The following FHIT variants were observed in gnomAD, a reference collection of about 807,000 sequenced individuals.
FHIT encodes the protein fragile histidine triad diadenosine triphosphatase.
In FHIT, 19 loss-of-function variants were observed where a neutral mutation model predicts 17.9. The ratio of observed to expected loss-of-function variants is 1.06; its 90% confidence interval spans 0.74 to 1.56. The LOEUF is 1.56. Among genes scored for constraint, FHIT ranks in the 40% most tolerant of loss-of-function variants. The pLI is 0.00. For missense variants in FHIT, 248 were observed against 189.2 expected, an observed-to-expected ratio of 1.31 and a Z score of -1.82; for synonymous variants, 81 against 69.7, an observed-to-expected ratio of 1.16 and a Z score of -0.81.
intron 5 of FHIT, among the ~76,000 whole-genome samples, chr3:60,284,059 G>A (rs551251625): frequency 3.9e-5 from 6 of 151,962 alleles, no homozygotes; most frequent in Non-Finnish European, 7.4e-5. Context: ...ACTGAAGCTG[G>A]CATTTCAGAA....
chr3:60,074,025 T>C (rs1051053509), intron 5 of FHIT, among the ~76,000 whole-genome samples: 1 of 152,140 alleles, frequency 6.6e-6, no homozygotes, highest in Non-Finnish European at 1.5e-5. Context: ...GACATGTGAA[T>C]GGAGCAGGGG....
chr3:60,597,352 G>A lies in FHIT; in HGVS notation c.-17-60373C>T, dbSNP rs150019384. On this transcript the variant is annotated intron_variant, in intron 4 of 9. Coordinates refer to ENST00000492590, the MANE Select transcript of FHIT (RefSeq NM_002012.4). ...AATGTTTAATCATTATACATACTTA[G>A]GAGAGCAGCATTGTTATTTTATAGA... is the stretch of plus-strand genomic sequence containing the variant. Among the ~76,000 whole-genome samples, 1,043 of 152,142 alleles carry A rather than the reference G, an allele frequency of 6.9e-3. 13 individuals carry two copies. Among genetic ancestry groups the A allele is most frequent in the African/African-American group, 0.024 (976 of 41,512 alleles).
intron 5 of FHIT, among the ~76,000 whole-genome samples, chr3:60,382,705 T>C (rs1337783293): frequency 6.6e-6 from 1 of 152,128 alleles, no homozygotes; most frequent in Non-Finnish European, 1.5e-5. Context: ...TTACCCCCAC[T>C]TAGGAATTGT....
At chr3:60,869,821 C>T (rs1704327347) in intron 3 of FHIT, among the ~76,000 whole-genome samples, 1 of 151,998 alleles carries the variant, frequency 6.6e-6, no homozygotes. Context: ...CCAACTTCTC[C>T]CTTTATAGGA....
chr3:60,261,052 C>T (rs1472878672), intron 5 of FHIT, among the ~76,000 whole-genome samples: 1 of 152,054 alleles, frequency 6.6e-6, no homozygotes, highest in South Asian at 2.1e-4. Context: ...TGTTCAGCAT[C>T]TAATCAAGAA....
intron 7 of FHIT, among the ~76,000 whole-genome samples, chr3:60,002,153 T>C (rs1031716316): frequency 2.0e-5 from 3 of 152,162 alleles, no homozygotes; most frequent in Non-Finnish European, 4.4e-5. Flanking sequence ...ATTTTTCATG[T>C]AACGTCAGGA....
chr3:60,282,970 G>C (rs1440215733), intron 5 of FHIT, among the ~76,000 whole-genome samples: 1 of 152,022 alleles, frequency 6.6e-6, no homozygotes, highest in Non-Finnish European at 1.5e-5. Flanking sequence ...GCAGTTCCAA[G>C]AATGGAGCTT....
intron 5 of FHIT, among the ~76,000 whole-genome samples, chr3:60,470,062 C>T (rs564423195): frequency 0.12 from 16,336 of 140,778 alleles, 1,878 homozygotes; most frequent in African/African-American, 0.35. Context: ...CTTTCTTTCT[C>T]TCTCTCTCTC....
chr3:59,990,809 A>T (rs1383709054), intron 7 of FHIT, among the ~76,000 whole-genome samples: 1 of 152,118 alleles, frequency 6.6e-6, no homozygotes, highest in African/African-American at 2.4e-5. Context: ...ATTTTAGAAC[A>T]GAGGCAAGAC....
chr3:60,899,426 C>T (rs141088265), intron 3 of FHIT, among the ~76,000 whole-genome samples: 48 of 152,296 alleles, frequency 3.2e-4, no homozygotes, highest in African/African-American at 1.0e-3. Context: ...ACCCCTGCAA[C>T]GCCTACATAA....
intron 2 of FHIT, among the ~76,000 whole-genome samples, chr3:61,043,968 C>T (rs1167920767): frequency 1.3e-5 from 2 of 152,082 alleles, no homozygotes; most frequent in African/African-American, 4.8e-5. Context: ...ACACCAAAAC[C>T]CCATCTGGAC....
At chr3:60,746,445 C>T (rs1033384043) in intron 4 of FHIT, among the ~76,000 whole-genome samples, 1 of 152,188 alleles carries the variant, frequency 6.6e-6, no homozygotes, top group Non-Finnish European at 1.5e-5. Flanking sequence ...TCAGGAGCGA[C>T]AGCAGCGGCC....
At chr3:60,464,285 A>G (rs1203003274) in intron 5 of FHIT, among the ~76,000 whole-genome samples, 1 of 152,174 alleles carries the variant, frequency 6.6e-6, no homozygotes, top group Non-Finnish European at 1.5e-5. Flanking sequence ...GGATATTTTG[A>G]TGCAGGAATA....
At chr3:60,293,601 C>T (rs1249400980) in intron 5 of FHIT, among the ~76,000 whole-genome samples, 1 of 151,790 alleles carries the variant, frequency 6.6e-6, no homozygotes, top group African/African-American at 2.4e-5. Context: ...AGGGAAAGAG[C>T]CTAAAATATG....
At chr3:60,781,026 G>A (rs1488552152) in intron 4 of FHIT, among the ~76,000 whole-genome samples, 5 of 152,104 alleles carry the variant, frequency 3.3e-5, no homozygotes, top group Non-Finnish European at 5.9e-5. Context: ...TCTTGGCCAT[G>A]GGACAGACAA....
At chr3:60,561,229 G>C (rs1319981030) in intron 4 of FHIT, among the ~76,000 whole-genome samples, 1 of 151,984 alleles carries the variant, frequency 6.6e-6, no homozygotes, top group East Asian at 1.9e-4. Flanking sequence ...AGACGCTAAG[G>C]TAGGACTGAA....
At chr3:59,996,746 A>T (rs750255199) in intron 7 of FHIT, among the ~76,000 whole-genome samples, 3 of 152,134 alleles carry the variant, frequency 2.0e-5, no homozygotes, top group Non-Finnish European at 2.9e-5. Flanking sequence ...ACCCACATAG[A>T]TCATTACTTA....
intron 4 of FHIT, among the ~76,000 whole-genome samples, chr3:60,554,709 G>GA (rs1559535592): frequency 6.6e-6 from 1 of 152,002 alleles, no homozygotes; most frequent in African/African-American, 2.4e-5. Flanking sequence ...AATACCAAAG[G>GA]AAAAACCACA....
At chr3:60,348,735 C>T (rs375295370) in intron 5 of FHIT, among the ~76,000 whole-genome samples, 26 of 152,290 alleles carry the variant, frequency 1.7e-4, no homozygotes, top group Admixed American at 3.9e-4. Context: ...AGCCATGTAA[C>T]TTGACTTGGC....
Sources: allele counts gnomAD v4.1 joint callset (sites outside exome capture counted in the v4.1 genomes callset), GRCh38; gene constraint gnomAD v4.1.1; transcripts MANE v1.5; gene names NCBI Gene and HGNC (gene_info 2026-07-23, HGNC 2026-07-21).